The following CFAP47 variants were observed in gnomAD, a reference collection of about 807,000 sequenced individuals.
The protein encoded by CFAP47 is cilia and flagella associated protein 47.
CFAP47 carries 29 observed loss-of-function variants against 148.1 expected under a neutral mutation model. The observed-to-expected ratio is 0.20, with a 90% CI of 0.15 to 0.27. CFAP47 has a LOEUF of 0.27. Ranked by LOEUF, CFAP47 falls within the 10% of genes least tolerant of loss-of-function variation. The pLI is 1.00. For missense variants in CFAP47, 1,872 were observed against 1,697.5 expected (o/e 1.10, Z -1.81); for synonymous variants, 664 against 577.3 (o/e 1.15, Z -2.15).
At chrX:35,999,293 A>T (rs1936885800) in intron 19 of CFAP47, among the ~76,000 whole-genome samples, 2 of 112,198 alleles carry the variant, frequency 1.8e-5, no homozygotes, top group Admixed American at 9.5e-5. Flanking sequence ...CAATATTAGG[A>T]TGCTGTTGTC....
chrX:35,955,928 T>G lies in CFAP47; in HGVS notation c.1175-33T>G, dbSNP rs779697282. The G allele has an allele frequency of 6.7e-6, 8 of 1,199,637 alleles. No homozygotes were observed. The African/African-American group carries it at 1.4e-4, about 21-fold the overall frequency. On this transcript the variant is annotated intron_variant, in intron 7 of 63. Transcript: ENST00000378653. ...ATATATTCTGGATTCCCCAAACACT[T>G]TTTATGTTCAACAGCTATTATTGCT...
intron 8 of CFAP47, among the ~76,000 whole-genome samples, chrX:35,959,592 A>C (rs750955451): frequency 9.0e-6 from 1 of 111,568 alleles, no homozygotes. Flanking sequence ...CTGGATCATG[A>C]GGTCAGGAGT....
At chrX:36,068,524 T>G (rs2146756675) in intron 27 of CFAP47, among the ~76,000 whole-genome samples, 1 of 112,168 alleles carries the variant, frequency 8.9e-6, no homozygotes, top group East Asian at 2.8e-4. Flanking sequence ...AAAGAATGGG[T>G]TATATGTGAA....
chrX:36,238,455 T>G (rs5973618), intron 48 of CFAP47, among the ~76,000 whole-genome samples: 38,938 of 110,543 alleles, frequency 0.35, 7,726 homozygotes, highest in African/African-American at 0.76. Flanking sequence ...ATACATTTTA[T>G]CTATTATCCT....
intron 25 of CFAP47, among the ~76,000 whole-genome samples, chrX:36,045,344 AG>A (rs1402818105): frequency 9.0e-6 from 1 of 111,313 alleles, no homozygotes; most frequent in Non-Finnish European, 1.9e-5. Context: ...CTCAGGTGCA[AG>A]ACAAAGTCTC....
intron 62 of CFAP47, among the ~76,000 whole-genome samples, chrX:36,367,517 T>A (rs1430998674): frequency 1.8e-5 from 2 of 112,240 alleles, no homozygotes; most frequent in East Asian, 5.6e-4. Context: ...GTTTCTATCA[T>A]AGCTGTCTGT....
In CFAP47 at chrX:35,993,340, G is replaced by A. The variant is rs956663873; in HGVS notation, c.3099+19G>A. ...AGCAAAGGTATGTCCATACATATGA[G>A]TTTTTGCACCTTACATATGTCTATG... is the stretch of plus-strand genomic sequence containing the variant. On this transcript the variant is annotated intron_variant, in intron 18 of 63. Coordinates refer to ENST00000378653, the MANE Select transcript of CFAP47 (RefSeq NM_001304548.2). 9 of 289,759 alleles carry A rather than the reference G, an allele frequency of 3.1e-5. No homozygotes were observed. The highest frequency in any genetic ancestry group is 5.4e-5 in the Non-Finnish European group (9 of 166,227). The allele number at this position is 289,759 out of a possible 1,213,427, so 23.9% of individuals were successfully genotyped here.
intron 62 of CFAP47, among the ~76,000 whole-genome samples, chrX:36,376,587 C>T (rs1455046966): frequency 2.7e-5 from 3 of 111,785 alleles, no homozygotes; most frequent in African/African-American, 6.5e-5. Flanking sequence ...CAAGAGGGTG[C>T]CAATAATTTT....
intron 49 of CFAP47, among the ~76,000 whole-genome samples, chrX:36,258,487 G>T (rs1030630532): frequency 9.0e-6 from 1 of 111,560 alleles, no homozygotes; most frequent in East Asian, 2.8e-4. Flanking sequence ...AGCCGTCTTT[G>T]ATTTTTGACA....
Position 36,371,794 on chromosome X carries a change from A to G in CFAP47, c.9185+4667A>G, listed in dbSNP as rs1292970675. On this transcript the variant is annotated intron_variant, in intron 62 of 63. Transcript: ENST00000378653. The stretch of plus-strand genomic sequence containing the variant: ...TACACACATGTGTATATATGTGTGT[A>G]TATACACACATGTATATATGTGTGC... 2.3e-4 allele frequency among the ~76,000 whole-genome samples: 13 copies of G among 56,232 alleles called. 2 individuals carry two copies. Among genetic ancestry groups the G allele is most frequent in the African/African-American group, 1.6e-3 (10 of 6,295 alleles). The allele number at this position is 56,232 out of a possible 115,157, so 48.8% of individuals were successfully genotyped here.
At chrX:36,342,343 T>C (rs993928756) in intron 57 of CFAP47, among the ~76,000 whole-genome samples, 40 of 111,992 alleles carry the variant, frequency 3.6e-4, no homozygotes, top group African/African-American at 1.3e-3. Context: ...AAATGTAGGG[T>C]GATGGCATTT....
intron 46 of CFAP47, among the ~76,000 whole-genome samples, chrX:36,232,340 G>T (rs1174552160): frequency 5.4e-5 from 6 of 111,731 alleles, no homozygotes; most frequent in African/African-American, 2.0e-4. Flanking sequence ...GTTTAGTCTT[G>T]GGAGAGTGTA....
At chrX:35,989,277 A>C (rs1015497337) in intron 15 of CFAP47, 42 bp from the exon 16 acceptor site, 1 of 1,002,115 alleles carries the variant, frequency 1.0e-6, no homozygotes, top group Non-Finnish European at 1.4e-6. Flanking sequence ...AATACAATTA[A>C]AATGTGGAAA....
chrX:36,001,331 A>C (rs755321151), intron 20 of CFAP47, among the ~76,000 whole-genome samples: 4 of 111,456 alleles, frequency 3.6e-5, no homozygotes, highest in Non-Finnish European at 7.5e-5. Context: ...GGGACCTAAG[A>C]TTTAGTTAAT....
chrX:36,074,055 C>A (rs764521551), intron 29 of CFAP47, among the ~76,000 whole-genome samples: 1 of 111,502 alleles, frequency 9.0e-6, no homozygotes, highest in South Asian at 3.7e-4. Context: ...GCTCTATATT[C>A]GAGTGACCTA....
At chrX:36,265,155 C>CT (rs59564665) in intron 49 of CFAP47, among the ~76,000 whole-genome samples, 13,828 of 111,000 alleles carry the variant, frequency 0.12, 698 homozygotes, top group East Asian at 0.26. Flanking sequence ...GTAGTTTATA[C>CT]TTTTTGTGCC....
intron 2 of CFAP47, among the ~76,000 whole-genome samples, chrX:35,929,505 A>G (rs967269392): frequency 9.0e-6 from 1 of 111,679 alleles, no homozygotes; most frequent in Non-Finnish European, 1.9e-5. Flanking sequence ...TTGACATTGT[A>G]TCCTCTGACC....
chrX:36,261,699 A>G (rs1453106943), intron 49 of CFAP47, among the ~76,000 whole-genome samples: 2 of 110,710 alleles, frequency 1.8e-5, no homozygotes, highest in East Asian at 5.7e-4. Context: ...AGTACAGAAC[A>G]AAGTGAAGTC....
At chrX:36,304,210 C>T (rs1243111186) in intron 54 of CFAP47, among the ~76,000 whole-genome samples, 1 of 110,033 alleles carries the variant, frequency 9.1e-6, no homozygotes, top group Non-Finnish European at 1.9e-5. Context: ...GGCAAAACCC[C>T]GTCTCTACTA....
Sources: gnomAD v4.1 joint callset for allele counts (sites outside exome capture counted in the v4.1 genomes callset) on GRCh38, gnomAD v4.1.1 for gene constraint, MANE v1.5 for transcripts, NCBI Gene and HGNC (gene_info 2026-07-23, HGNC 2026-07-21) for gene names.